Variants in PTPRM observed in about 807,000 individuals in gnomAD.
The protein encoded by PTPRM is protein tyrosine phosphatase receptor type M.
A neutral mutation model predicts 186.7 loss-of-function variants in PTPRM; 47 were observed. The ratio of observed to expected loss-of-function variants is 0.25; its 90% confidence interval spans 0.20 to 0.32. The LOEUF (loss-of-function observed/expected upper bound fraction) is 0.32, where lower values mean the gene tolerates loss of function less well. Ranked by LOEUF, PTPRM falls within the 10% of genes least tolerant of loss-of-function variation. The pLI, the probability that PTPRM is intolerant of heterozygous loss-of-function variation, is 1.00. For synonymous variants in PTPRM, 668 were observed against 674.9 expected (o/e 0.99, Z 0.16); for missense variants, 1,494 against 1,865.0 (o/e 0.80, Z 3.66).
chr18:8,346,955 G>C (rs2095508761), intron 23 of PTPRM, among the ~76,000 whole-genome samples: 1 of 152,158 alleles, frequency 6.6e-6, no homozygotes. Flanking sequence ...GTGTCACGGA[G>C]CACACCAGAG....
intron 14 of PTPRM, among the ~76,000 whole-genome samples, chr18:8,221,778 T>C (rs564236277): frequency 1.5e-4 from 23 of 152,310 alleles, no homozygotes; most frequent in South Asian, 1.4e-3. Flanking sequence ...CTTACATATT[T>C]TAATTTTGGC....
At chr18:7,838,019 T>G (rs527775234) in intron 2 of PTPRM, among the ~76,000 whole-genome samples, 1 of 152,312 alleles carries the variant, frequency 6.6e-6, no homozygotes, top group South Asian at 2.1e-4. Flanking sequence ...CCAGTAACTC[T>G]GTGGTTCCTG....
intron 1 of PTPRM, among the ~76,000 whole-genome samples, chr18:7,612,862 A>G (rs2037709535): frequency 6.6e-6 from 1 of 152,216 alleles, no homozygotes; most frequent in African/African-American, 2.4e-5. Context: ...GGGCTTACAA[A>G]GTGGAATGTA....
intron 2 of PTPRM, among the ~76,000 whole-genome samples, chr18:7,807,780 G>A (rs1224171158): frequency 6.6e-6 from 1 of 152,204 alleles, no homozygotes; most frequent in Non-Finnish European, 1.5e-5. Context: ...TTATGTGGTT[G>A]AAGAATTACA....
At chr18:7,932,730 T>A (rs2051562727) in intron 5 of PTPRM, among the ~76,000 whole-genome samples, 1 of 152,140 alleles carries the variant, frequency 6.6e-6, no homozygotes, top group Non-Finnish European at 1.5e-5. Flanking sequence ...ATTGAGAGTT[T>A]TACTGTTTTG....
chr18:7,902,063 A>G (rs1401055475), intron 3 of PTPRM, among the ~76,000 whole-genome samples: 1 of 152,254 alleles, frequency 6.6e-6, no homozygotes, highest in Non-Finnish European at 1.5e-5. Context: ...ATGTATGGGT[A>G]GGCATGCACA....
At chr18:7,708,942 T>A (rs765596858) in intron 1 of PTPRM, among the ~76,000 whole-genome samples, 1 of 152,178 alleles carries the variant, frequency 6.6e-6, no homozygotes, top group African/African-American at 2.4e-5. Flanking sequence ...GTTTGCTCAC[T>A]TCATGGAATT....
chr18:8,222,697 T>A (rs773609808), intron 14 of PTPRM, among the ~76,000 whole-genome samples: 2 of 152,244 alleles, frequency 1.3e-5, no homozygotes, highest in Non-Finnish European at 2.9e-5. Context: ...TTTCCTTGTC[T>A]AAGAATTATG....
At chr18:8,278,680 A>G (rs1395832638) in intron 19 of PTPRM, among the ~76,000 whole-genome samples, 1 of 152,226 alleles carries the variant, frequency 6.6e-6, no homozygotes, top group Non-Finnish European at 1.5e-5. Context: ...GAAACGGGTC[A>G]TGGCACAGAG....
chr18:7,587,135 T>C (rs1321361168), intron 1 of PTPRM, among the ~76,000 whole-genome samples: 2 of 152,180 alleles, frequency 1.3e-5, no homozygotes, highest in African/African-American at 4.8e-5. Flanking sequence ...AAGTGTTAGA[T>C]TTTTATGTAG....
chr18:7,651,585 A>G (rs1255657198), intron 1 of PTPRM, among the ~76,000 whole-genome samples: 1 of 152,048 alleles, frequency 6.6e-6, no homozygotes, highest in Non-Finnish European at 1.5e-5. Flanking sequence ...CAGAGCCCTC[A>G]GAAATAATGC....
intron 2 of PTPRM, among the ~76,000 whole-genome samples, chr18:7,851,200 A>G (rs961870727): frequency 2.6e-5 from 4 of 152,212 alleles, no homozygotes; most frequent in Non-Finnish European, 5.9e-5. Flanking sequence ...AAAACACCAG[A>G]AAGAATGTAC....
chr18:7,626,746 G>A (rs2038071798), intron 1 of PTPRM, among the ~76,000 whole-genome samples: 1 of 152,182 alleles, frequency 6.6e-6, no homozygotes, highest in Non-Finnish European at 1.5e-5. Context: ...AGGCTGGAGT[G>A]CAGTGGTGCA....
At position 8,387,504 on chromosome 18, in the gene PTPRM, GA is replaced by G. The variant is rs11375233; in HGVS notation, c.4208+282del. 8.3e-3 allele frequency among the ~76,000 whole-genome samples: 1,220 copies of G among 147,306 alleles called. 11 individuals are homozygous for G. The highest frequency in any genetic ancestry group is 0.011 in the Non-Finnish European group (763 of 66,944). ...TGCCTCCGCCGCCCACTGCCAAGAG[GA>G]AAAAAAAAAAAACACTGGCTCTTGA... On this transcript the variant is annotated intron_variant, in intron 31 of 32. Transcript: ENST00000580170.
Position 8,225,712 on chromosome 18 carries a change from A to G in PTPRM, c.2301-18346A>G, listed in dbSNP as rs145792688. 1.9e-3 allele frequency among the ~76,000 whole-genome samples: 286 copies of G among 152,344 alleles called. 2 individuals carry two copies. The highest frequency in any genetic ancestry group is 6.6e-3 in the African/African-American group (273 of 41,582). On this transcript the variant is annotated intron_variant, in intron 14 of 32. Transcript: ENST00000580170. ...CTAAGCAGAGAAAGACCATTGGTAA[A>G]TAGTGAAATATAAGAGAATATCTTT...
At chr18:7,978,784 G>A (rs1306557256) in intron 7 of PTPRM, among the ~76,000 whole-genome samples, 1 of 152,082 alleles carries the variant, frequency 6.6e-6, no homozygotes, top group Non-Finnish European at 1.5e-5. Flanking sequence ...TTAAGGTTAG[G>A]ATATGAAACA....
At chr18:8,194,716 A>G (rs1423907316) in intron 14 of PTPRM, among the ~76,000 whole-genome samples, 2 of 152,234 alleles carry the variant, frequency 1.3e-5, no homozygotes, top group Non-Finnish European at 2.9e-5. Context: ...TGTCTGTTCA[A>G]AGGAAATGTA....
chr18:7,786,713 T>A (rs1654289408), intron 2 of PTPRM, among the ~76,000 whole-genome samples: 1 of 152,202 alleles, frequency 6.6e-6, no homozygotes, highest in South Asian at 2.1e-4. Flanking sequence ...ACCTCCCTAA[T>A]TGTACTCTGT....
intron 31 of PTPRM, 66 bp downstream of exon 31, chr18:8,387,301 T>G (rs1331410931): frequency 1.4e-6 from 2 of 1,460,928 alleles, no homozygotes; most frequent in African/African-American, 2.8e-5. Context: ...CACCTCCTAG[T>G]TCTCTGACTT....
Sources: allele counts gnomAD v4.1 joint callset (sites outside exome capture counted in the v4.1 genomes callset), GRCh38; gene constraint gnomAD v4.1.1; transcripts MANE v1.5; gene names NCBI Gene and HGNC (gene_info 2026-07-23, HGNC 2026-07-21).